TTC6: variants seen among roughly 807,000 people sequenced by gnomAD.
TTC6 encodes tetratricopeptide repeat protein 6.
TTC6 carries 172 observed loss-of-function variants against 210.4 expected under a neutral mutation model. The observed-to-expected ratio is 0.82, with a 90% CI of 0.72 to 0.93. TTC6 has a LOEUF of 0.93. Ranked by LOEUF, TTC6 falls within the 40% of genes least tolerant of loss-of-function variation. The pLI is 0.00. For synonymous variants in TTC6, 804 were observed against 819.6 expected (o/e 0.98, Z 0.32); for missense variants, 2,414 against 2,318.1 (o/e 1.04, Z -0.85).
intron 13 of TTC6, among the ~76,000 whole-genome samples, chr14:37,751,509 C>T (rs1382603057): frequency 6.6e-6 from 1 of 152,026 alleles, no homozygotes; most frequent in Non-Finnish European, 1.5e-5. Context: ...TCCTCTGGAG[C>T]CATGCTACAG....
At chr14:37,797,596 C>T (rs982436131) in intron 20 of TTC6, among the ~76,000 whole-genome samples, 1 of 151,560 alleles carries the variant, frequency 6.6e-6, no homozygotes, top group African/African-American at 2.4e-5. Context: ...CGTCTTTTGT[C>T]TCTGTGGTGT....
At chr14:37,622,104 G>A (rs1414862488) in exon 1 of TTC6, 2 of 1,534,756 alleles carry the variant, frequency 1.3e-6, no homozygotes, top group Admixed American at 2.0e-5. Context: ...GAAATACAAA[G>A]AGGAATCGTA....
At chr14:37,714,712 G>A (rs1188572745) in exon 6 of TTC6, 98 of 1,535,330 alleles carry the variant, frequency 6.4e-5, no homozygotes, top group Non-Finnish European at 8.1e-5. Context: ...ATATTCCTCC[G>A]ACACCGCAAG....
chr14:37,758,794 AT>A (rs1276561080), intron 14 of TTC6, among the ~76,000 whole-genome samples: 3 of 151,920 alleles, frequency 2.0e-5, no homozygotes, highest in Non-Finnish European at 4.4e-5. Flanking sequence ...TGGTCTTTAT[AT>A]TTTGGTGTGT....
intron 26 of TTC6, among the ~76,000 whole-genome samples, chr14:37,820,919 T>C (rs1474895180): frequency 1.3e-5 from 2 of 148,632 alleles, no homozygotes; most frequent in African/African-American, 5.2e-5. Context: ...CTCCTCCTTC[T>C]CCTCCTTCTT....
chr14:37,596,827 C>T (rs2095605557), intron 1 of TTC6, among the ~76,000 whole-genome samples: 1 of 152,170 alleles, frequency 6.6e-6, no homozygotes, highest in Non-Finnish European at 1.5e-5. Flanking sequence ...TTTAACTTGT[C>T]TTCCAAACAG....
chr14:37,666,760 A>G (rs932380829), intron 1 of TTC6, among the ~76,000 whole-genome samples: 8 of 150,060 alleles, frequency 5.3e-5, no homozygotes, highest in South Asian at 2.1e-4. Flanking sequence ...CAGTTACCCA[A>G]CCCCTGTCCT....
At chr14:37,693,296 A>C (rs1462220654) in intron 3 of TTC6, among the ~76,000 whole-genome samples, 2 of 152,112 alleles carry the variant, frequency 1.3e-5, no homozygotes. Flanking sequence ...TTTACAAAAT[A>C]CCTAGGAATT....
chr14:37,832,786 G>A (rs926465585), intron 29 of TTC6, among the ~76,000 whole-genome samples: 6 of 152,022 alleles, frequency 3.9e-5, no homozygotes, highest in African/African-American at 1.2e-4. Flanking sequence ...CTGGCCACGC[G>A]CGGTGGCTTA....
intron 22 of TTC6, 41 bp downstream of exon 24, chr14:37,806,551 G>C: frequency 6.9e-7 from 1 of 1,452,680 alleles, no homozygotes; most frequent in Non-Finnish European, 9.1e-7. Context: ...AAAGTGTTAA[G>C]TTTGGTAAAA....
chr14:37,783,949 G>A (rs1013834876), intron 14 of TTC6, among the ~76,000 whole-genome samples: 17 of 152,170 alleles, frequency 1.1e-4, no homozygotes, highest in African/African-American at 3.4e-4. Flanking sequence ...TTTTGAGTGA[G>A]TTTCTTAATC....
intron 1 of TTC6, 81 bp downstream of exon 3, chr14:37,623,084 GATA>G (rs35036497): frequency 0.066 from 67,972 of 1,026,368 alleles, 2,949 homozygotes; most frequent in Non-Finnish European, 0.075. Context: ...GTTTATTATG[GATA>G]ATATTTCAGT....
intron 17 of TTC6, among the ~76,000 whole-genome samples, chr14:37,794,783 A>G (rs1354851514): frequency 6.6e-6 from 1 of 151,828 alleles, no homozygotes; most frequent in East Asian, 1.9e-4. Flanking sequence ...ATGGAGTCTC[A>G]CTATGTTGAC....
intron 17 of TTC6, among the ~76,000 whole-genome samples, chr14:37,792,776 TTGTG>T (rs34766491): frequency 0.07 from 9,757 of 139,948 alleles, 440 homozygotes; most frequent in African/African-American, 0.13. Flanking sequence ...TGGTCCAATG[TTGTG>T]TGTGTGTGTG....
chr14:37,769,557 C>G (rs2096011066), intron 14 of TTC6, among the ~76,000 whole-genome samples: 1 of 152,166 alleles, frequency 6.6e-6, no homozygotes, highest in Non-Finnish European at 1.5e-5. Context: ...AGGCATTTAT[C>G]CATTTCTTCT....
At chr14:37,649,488 A>C (rs1439820972) in intron 1 of TTC6, among the ~76,000 whole-genome samples, 1 of 152,150 alleles carries the variant, frequency 6.6e-6, no homozygotes, top group Non-Finnish European at 1.5e-5. Context: ...TTCATTTCTA[A>C]CTGCAGACAA....
chr14:37,665,689 T>G (rs1221057177), intron 1 of TTC6, among the ~76,000 whole-genome samples: 1 of 150,338 alleles, frequency 6.7e-6, no homozygotes, highest in South Asian at 2.1e-4. Flanking sequence ...ACTGGCAAAA[T>G]TAACCTTGAG....
intron 1 of TTC6, among the ~76,000 whole-genome samples, chr14:37,664,464 A>T (rs897395766): frequency 1.3e-5 from 2 of 150,612 alleles, no homozygotes; most frequent in Non-Finnish European, 3.0e-5. Context: ...GAAAATTGAA[A>T]CTGGACCCTT....
intron 29 of TTC6, chr14:37,827,999 CCCCA>C (rs981111167): frequency 1.3e-5 from 2 of 152,092 alleles, no homozygotes; most frequent in Non-Finnish European, 2.9e-5. Context: ...CTGTTCTTTC[CCCCA>C]CTTAGACTTC....
Sources: allele counts gnomAD v4.1 joint callset (sites outside exome capture counted in the v4.1 genomes callset), GRCh38; gene constraint gnomAD v4.1.1; transcripts MANE v1.5; gene names NCBI Gene and HGNC (gene_info 2026-07-23, HGNC 2026-07-21).